The following ZPBP variants were observed in gnomAD, a reference collection of about 807,000 sequenced individuals.
ZPBP encodes the protein zona pellucida-binding protein 1.
Under a neutral mutation model 44.8 loss-of-function variants are expected in ZPBP, and 26 were observed. The observed-to-expected ratio is 0.58, with a 90% confidence interval of 0.43 to 0.81. ZPBP has a LOEUF of 0.81. Among genes scored for constraint, ZPBP ranks in the 30% least tolerant of loss-of-function variants. The pLI is 0.00. For missense variants in ZPBP, 409 were observed against 434.0 expected (o/e 0.94, Z 0.51); for synonymous variants, 174 against 153.2 (o/e 1.14, Z -1.00).
At chr7:49,922,240 A>G (rs570673348) in intron 1 of ZPBP, among the ~76,000 whole-genome samples, 1 of 152,310 alleles carries the variant, frequency 6.6e-6, no homozygotes, top group Non-Finnish European at 1.5e-5. Flanking sequence ...TGTCATTTCT[A>G]AAAGTAAATG....
At chr7:49,869,950 G>A (rs1231495021) in intron 2 of ZPBP, among the ~76,000 whole-genome samples, 1 of 152,142 alleles carries the variant, frequency 6.6e-6, no homozygotes, top group Non-Finnish European at 1.5e-5. Context: ...AGATGTGGTT[G>A]TCTCAAAATA....
chr7:49,864,281 G>T (rs1790790389), intron 2 of ZPBP, among the ~76,000 whole-genome samples: 1 of 152,084 alleles, frequency 6.6e-6, no homozygotes, highest in Admixed American at 6.6e-5. Flanking sequence ...GGGAGGAGAA[G>T]ATAGGAGAAC....
intron 6 of ZPBP, among the ~76,000 whole-genome samples, chr7:50,002,929 T>C (rs1235998611): frequency 1.3e-4 from 20 of 152,192 alleles, no homozygotes; most frequent in Admixed American, 9.8e-4. Context: ...GATTGTTATG[T>C]TACCAAAAAA....
chr7:49,925,421 G>A (rs1169893594), intron 1 of ZPBP, among the ~76,000 whole-genome samples: 2 of 152,156 alleles, frequency 1.3e-5, no homozygotes, highest in South Asian at 2.1e-4. Context: ...TTGAGAGGTG[G>A]TAGTAGCTAG....
intron 2 of ZPBP, among the ~76,000 whole-genome samples, chr7:49,893,774 A>C (rs1314473194): frequency 6.6e-6 from 1 of 152,208 alleles, no homozygotes; most frequent in South Asian, 2.1e-4. Context: ...TTTGGCAGTC[A>C]GAGCTGGTGC....
chr7:50,042,916 A>T (rs1003185520), intron 4 of ZPBP, among the ~76,000 whole-genome samples: 1 of 152,180 alleles, frequency 6.6e-6, no homozygotes, highest in Non-Finnish European at 1.5e-5. Context: ...CAAACCCCCA[A>T]ATCTGGTCAT....
At chr7:49,875,812 G>A (rs1791392114) in intron 2 of ZPBP, among the ~76,000 whole-genome samples, 1 of 152,092 alleles carries the variant, frequency 6.6e-6, no homozygotes, top group African/African-American at 2.4e-5. Context: ...TGTTAGTATT[G>A]GTATTATTAT....
intron 6 of ZPBP, among the ~76,000 whole-genome samples, chr7:49,989,557 G>C (rs1223522783): frequency 6.6e-6 from 1 of 152,170 alleles, no homozygotes. Context: ...GTCCTATCAT[G>C]ATTTGTTTTT....
At position 50,078,281 on chromosome 7, in the gene ZPBP, T is replaced by C. The variant is rs138950307; in HGVS notation, c.334+3493A>G. ...GAGTTTTAGGGGGAAGTGGGGATGA[T>C]TAATGGGTACCAAAAAATAGAAAAA... On this transcript the variant is annotated intron_variant, in intron 3 of 7. Coordinates refer to ENST00000046087, the MANE Select transcript of ZPBP (RefSeq NM_007009.3). 8.1e-3 allele frequency among the ~76,000 whole-genome samples: 1,222 copies of C among 151,584 alleles called. 18 individuals carry two copies. Among genetic ancestry groups the C allele is most frequent in the South Asian group, 0.068 (327 of 4,816 alleles).
intron 7 of ZPBP, among the ~76,000 whole-genome samples, chr7:49,967,517 T>C (rs73349157): frequency 0.012 from 1,900 of 152,114 alleles, 46 homozygotes; most frequent in African/African-American, 0.043. Flanking sequence ...AATGCTGCAA[T>C]GGGATGAGAT....
At chr7:49,982,288 C>T (rs71538362) in intron 7 of ZPBP, among the ~76,000 whole-genome samples, 56 of 39,528 alleles carry the variant, frequency 1.4e-3, no homozygotes, top group South Asian at 2.8e-3. Context: ...TATAATTATA[C>T]ATAATATATA....
intron 2 of ZPBP, among the ~76,000 whole-genome samples, chr7:49,880,240 T>C (rs1231080661): frequency 6.6e-6 from 1 of 152,202 alleles, no homozygotes; most frequent in Non-Finnish European, 1.5e-5. Flanking sequence ...TGTGTGGCTA[T>C]AAAACATGTT....
intron 6 of ZPBP, among the ~76,000 whole-genome samples, chr7:49,992,959 T>G (rs1181486608): frequency 6.6e-6 from 1 of 152,034 alleles, no homozygotes; most frequent in Non-Finnish European, 1.5e-5. Context: ...GGAATAGAAC[T>G]AAAATACTAG....
chr7:50,054,716 A>G (rs1005958214), intron 4 of ZPBP, among the ~76,000 whole-genome samples: 1 of 152,202 alleles, frequency 6.6e-6, no homozygotes. Context: ...TGTAGTTTAT[A>G]TAAAATTTTT....
In ZPBP at chr7:49,905,727, A is replaced by C. The variant is rs138640263; in HGVS notation, n.412-4512T>G. On this transcript the variant is annotated intron_variant and non_coding_transcript_variant, in intron 1 of 2. Coordinates refer to the ZPBP transcript ENST00000465922. ...CTGAGACCTACTGGGCTGCATTCCC[A>C]GATGGTTAAGGCATTCTAAGTCACG... 3.2e-3 allele frequency among the ~76,000 whole-genome samples: 489 copies of C among 152,310 alleles called. 1 individual carries two copies. Among genetic ancestry groups the C allele is most frequent in the African/African-American group, 0.011 (437 of 41,566 alleles).
Position 49,875,298 on chromosome 7 carries a change from A to T in ZPBP, n.510-24784T>A, listed in dbSNP as rs563861436. 2.0e-3 allele frequency among the ~76,000 whole-genome samples: 261 copies of T among 127,362 alleles called. 3 individuals carry two copies. The highest frequency in any genetic ancestry group is 7.1e-3 in the African/African-American group (244 of 34,174). 83.6% of individuals were successfully genotyped at this position (127,362 alleles called of 152,430 possible). On this transcript the variant is annotated intron_variant and non_coding_transcript_variant, in intron 2 of 2. Transcript: ENST00000465922. ...GGCAGGAGAATCGCCTGAACCCAGG[A>T]GATGGAGGTTGCAGTGAGCCAAGAT...
At chr7:50,067,229 T>C (rs1801554285) in intron 3 of ZPBP, among the ~76,000 whole-genome samples, 1 of 152,196 alleles carries the variant, frequency 6.6e-6, no homozygotes, top group South Asian at 2.1e-4. Context: ...GTGTTCTTGC[T>C]TTTTGGTGCC....
chr7:50,015,918 G>A (rs541482335), intron 6 of ZPBP, among the ~76,000 whole-genome samples: 3 of 152,244 alleles, frequency 2.0e-5, no homozygotes, highest in East Asian at 1.9e-4. Flanking sequence ...AATAACTGAT[G>A]TTGGTAAGGT....
intron 7 of ZPBP, among the ~76,000 whole-genome samples, 187 bp downstream of exon 7, chr7:49,983,155 G>C (rs1797104879): frequency 6.6e-6 from 1 of 151,814 alleles, no homozygotes; most frequent in Admixed American, 6.6e-5. Flanking sequence ...TAATACCAAG[G>C]CCAAAATTAA....
Sources: allele counts gnomAD v4.1 joint callset (sites outside exome capture counted in the v4.1 genomes callset), GRCh38; gene constraint gnomAD v4.1.1; transcripts MANE v1.5; gene names NCBI Gene and HGNC (gene_info 2026-07-23, HGNC 2026-07-21).